Variants in PRRG1 observed in about 807,000 individuals in gnomAD.
PRRG1 encodes the protein proline rich and Gla domain 1.
A neutral mutation model predicts 11.8 loss-of-function variants in PRRG1; 5 were observed. The observed-to-expected ratio is 0.42, with a 90% CI of 0.22 to 0.89. The LOEUF (loss-of-function observed/expected upper bound fraction) is 0.89. Among genes scored for constraint, PRRG1 ranks in the 40% least tolerant of loss-of-function variants. PRRG1 has a pLI of 0.28. For synonymous variants in PRRG1, 66 were observed against 60.4 expected, an observed-to-expected ratio of 1.09 and a Z score of -0.43; for missense variants, 155 against 166.1, an observed-to-expected ratio of 0.93 and a Z score of 0.37.
rs1556396975 is a variant in PRRG1 at position 37,453,181 on chromosome X, A to G, written c.217A>G (p.Asn73Asp). 9 of 1,206,929 alleles carry G rather than the reference A, an allele frequency of 7.5e-6. No homozygotes were observed. Among genetic ancestry groups the G allele is most frequent in the Admixed American group, 2.2e-5 (1 of 45,688 alleles). ...TYTKAQQGESNRGSDWFQFYL... is the reference protein window; with the variant it reads ...TYTKAQQGESDRGSDWFQFYL... ...CACAAAAGCGCAACAAGGGGAGAGTAACCGAGGAAGTGACTGGTTTCAGTT... is the reference window on the plus strand; with the variant it reads ...CACAAAAGCGCAACAAGGGGAGAGTGACCGAGGAAGTGACTGGTTTCAGTT... The change falls in exon 4 of 4, where the codon AAC becomes GAC. Residue 73 changes from asparagine (N) to aspartate (D), a missense_variant. By Grantham distance (23) the Asn-to-Asp change is conservative (BLOSUM62 1). Coordinates refer to ENST00000378628, the MANE Select transcript of PRRG1 (RefSeq NM_001142395.2).
At chrX:37,355,663 G>A (rs1245832122) in intron 1 of PRRG1, among the ~76,000 whole-genome samples, 1 of 111,579 alleles carries the variant, frequency 9.0e-6, no homozygotes, top group African/African-American at 3.3e-5. Context: ...AGTGAAAAAA[G>A]TAAGTTTAAA....
At chrX:37,371,321 T>C (rs1556370746) in intron 1 of PRRG1, among the ~76,000 whole-genome samples, 1 of 111,925 alleles carries the variant, frequency 8.9e-6, no homozygotes, top group African/African-American at 3.2e-5. Flanking sequence ...CTACCCAATG[T>C]GGGTCTCCTC....
intron 2 of PRRG1, among the ~76,000 whole-genome samples, chrX:37,412,588 G>T (rs1556384127): frequency 9.1e-6 from 1 of 110,467 alleles, no homozygotes; most frequent in African/African-American, 3.3e-5. Flanking sequence ...TTTAGATGAT[G>T]TCAATAATTT....
chrX:37,419,570 A>G (rs2146599037), intron 2 of PRRG1, among the ~76,000 whole-genome samples: 1 of 112,079 alleles, frequency 8.9e-6, no homozygotes, highest in South Asian at 3.8e-4. Flanking sequence ...ATAAGGCTTT[A>G]ATAATGGCTC....
intron 1 of PRRG1, among the ~76,000 whole-genome samples, chrX:37,365,770 A>G (rs1412267898): frequency 9.0e-6 from 1 of 111,727 alleles, no homozygotes; most frequent in African/African-American, 3.3e-5. Context: ...ACCAGAAGCA[A>G]CAGCATTATT....
chrX:37,366,619 C>G (rs1267770775), intron 1 of PRRG1, among the ~76,000 whole-genome samples: 1 of 112,205 alleles, frequency 8.9e-6, no homozygotes, highest in Non-Finnish European at 1.9e-5. Context: ...GCCAACCTAA[C>G]AGCTGTATCA....
chrX:37,354,765 A>G (rs1358106674), intron 1 of PRRG1, among the ~76,000 whole-genome samples: 1 of 111,132 alleles, frequency 9.0e-6, no homozygotes, highest in Non-Finnish European at 1.9e-5. Context: ...AGATGCTTGG[A>G]TTTGATGACC....
At chrX:37,452,942 A>G (rs782069990) in intron 3 of PRRG1, among the ~76,000 whole-genome samples, 194 bp from the exon 4 acceptor site, 1 of 112,146 alleles carries the variant, frequency 8.9e-6, no homozygotes, top group African/African-American at 3.2e-5. Flanking sequence ...TTTAGGGAGG[A>G]TCCAGAAGGA....
chrX:37,385,780 A>G lies in PRRG1; in HGVS notation c.-41-20429A>G, dbSNP rs781941820. On this transcript the variant is annotated intron_variant, in intron 1 of 3. Transcript: ENST00000378628. ...GCTTCCTTTTTTTTTTTTGTTTTTCAGACGGAGTCTCGCTCTGTCGTCCAG... is the reference window on the plus strand; with the variant it reads ...GCTTCCTTTTTTTTTTTTGTTTTTCGGACGGAGTCTCGCTCTGTCGTCCAG... 5.6e-5 allele frequency among the ~76,000 whole-genome samples: 6 copies of G among 106,669 alleles called. No homozygotes were observed. The South Asian group carries it at 2.6e-3, about 46-fold the overall frequency. 92.6% of individuals were successfully genotyped at this position (106,669 alleles called of 115,157 possible).
At chrX:37,432,421 TTTTATCCATCTC>T (rs1318481754) in intron 3 of PRRG1, among the ~76,000 whole-genome samples, 55 of 111,909 alleles carry the variant, frequency 4.9e-4, no homozygotes, top group African/African-American at 1.7e-3. Flanking sequence ...ATTTCTGGCC[TTTTATCCATCTC>T]AGTGCTTCTA....
At chrX:37,416,181 A>G (rs1313143209) in intron 2 of PRRG1, among the ~76,000 whole-genome samples, 1 of 112,232 alleles carries the variant, frequency 8.9e-6, no homozygotes, top group African/African-American at 3.2e-5. Context: ...GGAGAGAAAG[A>G]TAGCCAAATG....
chrX:37,444,813 C>T (rs1933045470), intron 3 of PRRG1, among the ~76,000 whole-genome samples: 1 of 111,741 alleles, frequency 8.9e-6, no homozygotes, highest in African/African-American at 3.3e-5. Flanking sequence ...CTGTCCCACA[C>T]ACAGGCTCAA....
At chrX:37,428,112 CAT>C (rs1435908612) in intron 3 of PRRG1, among the ~76,000 whole-genome samples, 5 of 111,398 alleles carry the variant, frequency 4.5e-5, no homozygotes, top group African/African-American at 6.6e-5. Context: ...TCTACCACAA[CAT>C]GTGGGAATTC....
intron 1 of PRRG1, among the ~76,000 whole-genome samples, chrX:37,387,727 A>T (rs1187584079): frequency 1.8e-5 from 2 of 111,007 alleles, no homozygotes; most frequent in Non-Finnish European, 3.8e-5. Flanking sequence ...GATCCAAACC[A>T]TATCATTCTG....
At chrX:37,382,452 T>A (rs1217916158) in intron 1 of PRRG1, among the ~76,000 whole-genome samples, 2 of 111,283 alleles carry the variant, frequency 1.8e-5, no homozygotes, top group African/African-American at 6.5e-5. Context: ...ATATATATGA[T>A]ATACACAGCT....
At chrX:37,398,196 C>T (rs907675131) in intron 1 of PRRG1, among the ~76,000 whole-genome samples, 32 of 111,589 alleles carry the variant, frequency 2.9e-4, no homozygotes, top group African/African-American at 9.4e-4. Flanking sequence ...CCCTGATCCC[C>T]GACCCCCGAG....
Position 37,392,657 on chromosome X carries a change from CAA to C in PRRG1, c.-41-13535_-41-13534del, listed in dbSNP as rs11296949. Reference sequence around the variant, plus strand: ...AGGGTGACAGAGCAAGACTCTGTCTCAAAAAAAAAAAAAAAAAAGAAAGAAAG... The same window carrying C: ...AGGGTGACAGAGCAAGACTCTGTCTCAAAAAAAAAAAAAAAAGAAAGAAAG... On this transcript the variant is annotated intron_variant, in intron 1 of 3. Transcript: ENST00000378628. 2.3e-3 allele frequency among the ~76,000 whole-genome samples: 118 copies of C among 50,833 alleles called. 2 individuals carry two copies. In the South Asian group the frequency reaches 0.072, roughly 31 times the overall value. 44.1% of individuals were successfully genotyped at this position (50,833 alleles called of 115,157 possible).
intron 2 of PRRG1, among the ~76,000 whole-genome samples, chrX:37,406,974 C>CT (rs1932204967): frequency 8.9e-6 from 1 of 112,295 alleles, no homozygotes; most frequent in African/African-American, 3.2e-5. Context: ...ATGGAAATCA[C>CT]TGTTTCCAGT....
intron 3 of PRRG1, chrX:37,441,206 A>C: frequency 1.2e-6 from 1 of 803,766 alleles, no homozygotes; most frequent in Non-Finnish European, 1.5e-6. Flanking sequence ...AGAAAACAAT[A>C]GGTTTGTAAA....
Sources: allele counts gnomAD v4.1 joint callset (sites outside exome capture counted in the v4.1 genomes callset), GRCh38; gene constraint gnomAD v4.1.1; transcripts MANE v1.5; gene names NCBI Gene and HGNC (gene_info 2026-07-23, HGNC 2026-07-21).